Variants in LYRM4 observed in about 807,000 individuals in gnomAD.
The protein encoded by LYRM4 is LYR motif-containing protein 4.
LYRM4 carries 9 observed loss-of-function variants against 11.7 expected under a neutral mutation model. The observed-to-expected ratio is 0.77, with a 90% CI of 0.46 to 1.34. LYRM4 has a LOEUF of 1.34. Ranked by LOEUF, LYRM4 falls within the 40% of genes most tolerant of loss-of-function variation. The pLI is 0.00. For synonymous variants in LYRM4, 42 were observed against 40.4 expected (o/e 1.04, Z -0.15); for missense variants, 133 against 112.5 (o/e 1.18, Z -0.82).
At chr6:5,060,288 A>T in the LYRM4 span, among the ~76,000 whole-genome samples, 1 of 151,982 alleles carries the variant, frequency 6.6e-6, no homozygotes, top group Non-Finnish European at 1.5e-5. Context: ...GGGAATATTG[A>T]TCTCTGTGTG....
Position 5,109,192 on chromosome 6 carries a change from A to G in LYRM4, c.*231T>C. On this transcript the variant is annotated 3_prime_UTR_variant, in exon 3 of 3. Transcript: ENST00000330636. ...CAGGGGAGACGTGGTAACACACAGC[A>G]CTATTCTGAACGAACTCCAGCTCTC... The G allele has an allele frequency of 7.1e-7, 1 of 1,402,302 alleles. No individual in the cohort carries two copies. Among genetic ancestry groups the G allele is most frequent in the South Asian group, 1.6e-5 (1 of 63,006 alleles). The allele number at this position is 1,402,302 out of a possible 1,614,324, so 86.9% of individuals were successfully genotyped here.
At chr6:5,222,664 T>G (rs1762646277) in intron 1 of LYRM4, among the ~76,000 whole-genome samples, 1 of 151,956 alleles carries the variant, frequency 6.6e-6, no homozygotes, top group African/African-American at 2.4e-5. Flanking sequence ...TGCACTTGAT[T>G]GTATGTAAAT....
At chr6:5,197,536 A>G (rs1159317567) in intron 2 of LYRM4, among the ~76,000 whole-genome samples, 1 of 151,940 alleles carries the variant, frequency 6.6e-6, no homozygotes, top group Non-Finnish European at 1.5e-5. Context: ...TTAGCTGGGC[A>G]TGGTGGCGGG....
At chr6:5,200,583 C>A (rs1023544284) in intron 2 of LYRM4, among the ~76,000 whole-genome samples, 1 of 152,126 alleles carries the variant, frequency 6.6e-6, no homozygotes, top group Non-Finnish European at 1.5e-5. Context: ...TTAGAGAGAT[C>A]CAGAGATCAG....
chr6:5,086,458 G>T, the LYRM4 span: 5 of 1,536,954 alleles, frequency 3.3e-6, no homozygotes, highest in Non-Finnish European at 4.4e-6. Context: ...CGGCGTCGCG[G>T]TCCACTTCGC....
At chr6:5,073,168 G>A in the LYRM4 span, among the ~76,000 whole-genome samples, 3 of 152,000 alleles carry the variant, frequency 2.0e-5, no homozygotes, top group Admixed American at 6.6e-5. Flanking sequence ...GATCACATGA[G>A]GCCAGAGTTC....
intron 2 of LYRM4, among the ~76,000 whole-genome samples, chr6:5,146,384 T>C (rs1195574335): frequency 6.6e-6 from 1 of 152,228 alleles, no homozygotes; most frequent in Non-Finnish European, 1.5e-5. Context: ...TATTGTTACC[T>C]TCATTTTTTT....
At chr6:5,168,058 T>C (rs1759192770) in intron 2 of LYRM4, among the ~76,000 whole-genome samples, 1 of 151,054 alleles carries the variant, frequency 6.6e-6, no homozygotes. Flanking sequence ...AGGATGGTCA[T>C]GGATTGTAAT....
At chr6:5,087,971 T>C in the LYRM4 span, 6 of 152,218 alleles carry the variant, frequency 3.9e-5, no homozygotes, top group African/African-American at 1.4e-4. Context: ...AGTTTCACTG[T>C]TGCTTGATAG....
At chr6:5,086,283 G>A in the LYRM4 span, 7 of 1,535,408 alleles carry the variant, frequency 4.6e-6, no homozygotes, top group Non-Finnish European at 6.1e-6. Flanking sequence ...TGCCGGCTGA[G>A]CTGCAGCCCG....
the LYRM4 span, chr6:5,067,122 TA>T: frequency 1.2e-5 from 3 of 248,104 alleles, no homozygotes; most frequent in Non-Finnish European, 2.3e-5. Flanking sequence ...ACAAAAGTAT[TA>T]ATTTCTTTGC....
downstream of LYRM4, among the ~76,000 whole-genome samples, chr6:5,101,968 C>CTTTTTTTTTTTTTTTTTTTTTT (rs397826404): frequency 0.022 from 1,505 of 67,786 alleles, 366 homozygotes; most frequent in East Asian, 0.041. Context: ...CTAATGCTTT[C>CTTTTTTTTTTTTTTTTTTTTTT]TTTTTTTTTT....
intron 2 of LYRM4, among the ~76,000 whole-genome samples, chr6:5,198,190 C>G (rs1761179503): frequency 6.6e-6 from 1 of 152,040 alleles, no homozygotes; most frequent in South Asian, 2.1e-4. Flanking sequence ...AAGAGTGAGA[C>G]TCCGTCTCAA....
At chr6:5,073,205 T>C in the LYRM4 span, among the ~76,000 whole-genome samples, 1 of 152,034 alleles carries the variant, frequency 6.6e-6, no homozygotes, top group African/African-American at 2.4e-5. Flanking sequence ...ACATCTCTAC[T>C]TAAAATAGAA....
chr6:5,158,780 C>T (rs1043399399), intron 2 of LYRM4, among the ~76,000 whole-genome samples: 10 of 152,116 alleles, frequency 6.6e-5, no homozygotes, highest in African/African-American at 2.2e-4. Context: ...GTCAAGTCTG[C>T]AGGTCTTGAG....
rs570240229 is a variant in LYRM4 at position 5,124,760 on chromosome 6, G to A, written c.208-15269C>T. Among the ~76,000 whole-genome samples, 3 of 152,354 alleles carry A rather than the reference G, an allele frequency of 2.0e-5. No individual in the cohort carries two copies. In the East Asian group the frequency reaches 5.8e-4, roughly 29 times the overall value. On this transcript the variant is annotated intron_variant, in intron 2 of 2. Coordinates refer to ENST00000330636, the MANE Select transcript of LYRM4 (RefSeq NM_020408.6). Reference sequence around the variant, plus strand: ...GCCAGCAGGGCTCAGACTGCAGTGGGTGCCGGCTTTACCGGAGGGCTCTCT... The same window carrying A: ...GCCAGCAGGGCTCAGACTGCAGTGGATGCCGGCTTTACCGGAGGGCTCTCT...
chr6:5,173,237 C>A (rs1021811081), intron 2 of LYRM4, among the ~76,000 whole-genome samples: 2 of 152,194 alleles, frequency 1.3e-5, no homozygotes, highest in African/African-American at 4.8e-5. Context: ...GTCCTCTGTG[C>A]CATTACATGT....
At chr6:5,176,014 G>A (rs566638164) in intron 2 of LYRM4, among the ~76,000 whole-genome samples, 18 of 151,914 alleles carry the variant, frequency 1.2e-4, no homozygotes, top group East Asian at 1.9e-4. Context: ...CAGCATTCCC[G>A]GCCCAGATAA....
intron 2 of LYRM4, among the ~76,000 whole-genome samples, chr6:5,113,842 C>G (rs1263302576): frequency 6.6e-6 from 1 of 152,066 alleles, no homozygotes; most frequent in Admixed American, 6.5e-5. Flanking sequence ...GCTGGGATTA[C>G]AGGCATGTGC....
Sources: gnomAD v4.1 joint callset for allele counts (sites outside exome capture counted in the v4.1 genomes callset) on GRCh38, gnomAD v4.1.1 for gene constraint, MANE v1.5 for transcripts, NCBI Gene and HGNC (gene_info 2026-07-23, HGNC 2026-07-21) for gene names.